Variants in B3GALT1 observed in about 807,000 individuals in gnomAD.
B3GALT1 encodes beta-1,3-galactosyltransferase 1, also known as UDP-Gal:betaGlcNAc beta 1,3-galactosyltransferase, polypeptide 1.
A neutral mutation model predicts 23.2 loss-of-function variants in B3GALT1; 10 were observed. The observed-to-expected ratio is 0.43, with a 90% CI of 0.27 to 0.73. The LOEUF (loss-of-function observed/expected upper bound fraction) is 0.73. B3GALT1 is among the 30% of genes least tolerant of loss of function. The pLI, the probability that B3GALT1 is intolerant of heterozygous loss-of-function variation, is 0.21. For missense variants in B3GALT1, 299 were observed against 405.4 expected (o/e 0.74, Z 2.25); for synonymous variants, 156 against 141.5 (o/e 1.10, Z -0.73).
chr2:167,502,679 A>AG (rs1001849463), intron 2 of B3GALT1, among the ~76,000 whole-genome samples: 5 of 152,152 alleles, frequency 3.3e-5, no homozygotes, highest in East Asian at 1.9e-4. Context: ...AAGAACAGCA[A>AG]GGGGGGGATC....
At chr2:167,363,943 G>C (rs1046492588) in intron 1 of B3GALT1, among the ~76,000 whole-genome samples, 1 of 152,024 alleles carries the variant, frequency 6.6e-6, no homozygotes, top group East Asian at 1.9e-4. Flanking sequence ...CGGATCACTT[G>C]AGGTCAGGAG....
At chr2:167,546,725 C>T (rs1429586759) in intron 2 of B3GALT1, among the ~76,000 whole-genome samples, 5 of 152,208 alleles carry the variant, frequency 3.3e-5, no homozygotes, top group Non-Finnish European at 7.3e-5. Context: ...TGTGGAAGAA[C>T]ACCCCCTCTG....
rs570465898 is a variant in B3GALT1 at position 167,595,264 on chromosome 2, G to C, written c.-409-51645G>C. Among the ~76,000 whole-genome samples, 4 of 152,238 alleles carry C rather than the reference G, an allele frequency of 2.6e-5. No individual in the cohort carries two copies. The South Asian group carries it at 8.3e-4, about 32-fold the overall frequency. ...CTAGGGGGCTAACACTGATTATAAA[G>C]TTCTCTGGGGGTAATAGAGCAAAAA... On this transcript the variant is annotated intron_variant, in intron 2 of 4. Transcript: ENST00000392690.
chr2:167,865,105 T>C (rs1690185626), intron 4 of B3GALT1, among the ~76,000 whole-genome samples: 1 of 152,090 alleles, frequency 6.6e-6, no homozygotes, highest in South Asian at 2.1e-4. Flanking sequence ...CGCGGAAAAG[T>C]ATCAGATAAA....
chr2:167,434,107 C>T (rs943925433), intron 1 of B3GALT1, among the ~76,000 whole-genome samples: 1 of 152,014 alleles, frequency 6.6e-6, no homozygotes, highest in African/African-American at 2.4e-5. Context: ...TGGCACATCA[C>T]AAAATTTATA....
At chr2:167,757,529 T>G (rs1687837208) in intron 3 of B3GALT1, among the ~76,000 whole-genome samples, 1 of 152,144 alleles carries the variant, frequency 6.6e-6, no homozygotes, top group South Asian at 2.1e-4. Context: ...ATCTAAAATT[T>G]TTTTTAAAGG....
chr2:167,757,086 A>C (rs1687830640), intron 3 of B3GALT1, among the ~76,000 whole-genome samples: 1 of 152,178 alleles, frequency 6.6e-6, no homozygotes, highest in Non-Finnish European at 1.5e-5. Flanking sequence ...ATACGGGACT[A>C]ATAATAGTTA....
At chr2:167,329,282 G>A (rs573352218) in intron 1 of B3GALT1, among the ~76,000 whole-genome samples, 2 of 152,174 alleles carry the variant, frequency 1.3e-5, no homozygotes, top group Non-Finnish European at 2.9e-5. Context: ...TCAGTAGCAT[G>A]TTGTTTAATA....
intron 2 of B3GALT1, among the ~76,000 whole-genome samples, chr2:167,622,245 C>G (rs1685272781): frequency 6.6e-6 from 1 of 151,974 alleles, no homozygotes; most frequent in South Asian, 2.1e-4. Context: ...TGGGAAAAGT[C>G]ATGTGATCCA....
chr2:167,794,306 G>A (rs1157290571), intron 3 of B3GALT1, among the ~76,000 whole-genome samples: 1 of 152,190 alleles, frequency 6.6e-6, no homozygotes, highest in African/African-American at 2.4e-5. Context: ...ATTCAAATAA[G>A]TCTGGTTGAA....
At chr2:167,408,825 C>CAA (rs35600977) in intron 1 of B3GALT1, among the ~76,000 whole-genome samples, 1 of 130,664 alleles carries the variant, frequency 7.7e-6, no homozygotes, top group African/African-American at 2.9e-5. Context: ...AAAAGACAAA[C>CAA]AAAAAAAAAA....
In B3GALT1 at chr2:167,458,165, G is replaced by A. The variant is rs978756022; in HGVS notation, c.-510-32012G>A. Among the ~76,000 whole-genome samples, 4 of 151,910 alleles carry A rather than the reference G, an allele frequency of 2.6e-5. No individual in the cohort carries two copies. In the South Asian group the frequency reaches 8.3e-4, roughly 32 times the overall value. The stretch of plus-strand genomic sequence containing the variant: ...CCTAACAACCACCACCCTACTTTTT[G>A]TCTATATGATTTTGACTACCTCATA... On this transcript the variant is annotated intron_variant, in intron 1 of 4. Transcript: ENST00000392690.
intron 1 of B3GALT1, among the ~76,000 whole-genome samples, chr2:167,304,176 C>T (rs1696507302): frequency 2.0e-5 from 3 of 152,180 alleles, no homozygotes; most frequent in Non-Finnish European, 4.4e-5. Context: ...AATTTCAGCC[C>T]TGCAGATACA....
intron 2 of B3GALT1, among the ~76,000 whole-genome samples, chr2:167,521,987 T>TATATATATATATACAC (rs1700195235): frequency 8.8e-6 from 1 of 114,146 alleles, no homozygotes; most frequent in South Asian, 2.7e-4. Context: ...TGTGTGTGTA[T>TATATATATATATACAC]ATATATATAT....
chr2:167,538,570 G>C (rs934875522), intron 2 of B3GALT1, among the ~76,000 whole-genome samples: 1 of 151,970 alleles, frequency 6.6e-6, no homozygotes, highest in Non-Finnish European at 1.5e-5. Context: ...TTAAAACATT[G>C]GTGAGCAAAT....
At chr2:167,669,034 C>A (rs1038236854) in intron 3 of B3GALT1, among the ~76,000 whole-genome samples, 7 of 152,198 alleles carry the variant, frequency 4.6e-5, no homozygotes, top group Non-Finnish European at 1.0e-4. Context: ...CTGTCCCCCT[C>A]CCTCCCCATT....
intron 1 of B3GALT1, among the ~76,000 whole-genome samples, chr2:167,370,078 G>A (rs1697657983): frequency 6.6e-6 from 1 of 152,124 alleles, no homozygotes; most frequent in South Asian, 2.1e-4. Context: ...TAAATGCAAA[G>A]GAAGTTACTC....
rs1236339073 is a variant in B3GALT1, at chr2:167,872,460, A to C, written c.*2440A>C. 6.6e-6 allele frequency: 1 copy of C among 152,164 alleles called. No individual in the cohort carries two copies. The highest frequency in any genetic ancestry group is 1.5e-5 in the Non-Finnish European group (1 of 68,034). The allele number at this position is 152,164 out of a possible 1,614,324, so 9.4% of individuals were successfully genotyped here. A position where few individuals can be genotyped will look rare whatever the true frequency, so the allele number is the denominator to read the frequency against. ...GGAGAGATGGATCAGCACAAGGTGA[A>C]CCACCCTCCAACCTGCAGCCTCAAC... On this transcript the variant is annotated 3_prime_UTR_variant, in exon 5 of 5. Coordinates refer to ENST00000392690, the MANE Select transcript of B3GALT1 (RefSeq NM_020981.4).
chr2:167,611,045 T>C (rs1685055529), intron 2 of B3GALT1, among the ~76,000 whole-genome samples: 1 of 151,562 alleles, frequency 6.6e-6, no homozygotes, highest in Admixed American at 6.6e-5. Flanking sequence ...AAAAACTACC[T>C]ATTATTACTT....
Sources: allele counts gnomAD v4.1 joint callset (sites outside exome capture counted in the v4.1 genomes callset), GRCh38; gene constraint gnomAD v4.1.1; transcripts MANE v1.5; gene names NCBI Gene and HGNC (gene_info 2026-07-23, HGNC 2026-07-21).